The following NECAB1 variants were observed in gnomAD, a reference collection of about 807,000 sequenced individuals.
The protein encoded by NECAB1 is N-terminal EF-hand calcium-binding protein 1.
In NECAB1, 29 loss-of-function variants were observed where a neutral mutation model predicts 57.5. That is an observed-to-expected ratio of 0.50 (90% CI 0.38 to 0.69). The LOEUF is 0.69. Among genes scored for constraint, NECAB1 ranks in the 30% least tolerant of loss-of-function variants. The pLI, the probability that NECAB1 is intolerant of heterozygous loss-of-function variation, is 0.00. For synonymous variants in NECAB1, 142 were observed against 147.7 expected (o/e 0.96, Z 0.28); for missense variants, 372 against 413.8 (o/e 0.90, Z 0.88).
At chr8:90,939,040 A>G (rs1810607130) in intron 9 of NECAB1, among the ~76,000 whole-genome samples, 1 of 152,210 alleles carries the variant, frequency 6.6e-6, no homozygotes, top group African/African-American at 2.4e-5. Flanking sequence ...GGCAAACTAC[A>G]GCATACCTCT....
chr8:90,959,260 CTG>C lies in NECAB1; in HGVS notation c.*3750_*3751del, dbSNP rs754863942. On this transcript the variant is annotated 3_prime_UTR_variant, in exon 13 of 13. Coordinates refer to ENST00000417640, the MANE Select transcript of NECAB1 (RefSeq NM_022351.5). ...TAAATTGTATTCCAAACCTGTTCTT[CTG>C]TTTCTGTGGCACCTAGGTTTAAAAT... 1.5e-5 allele frequency: 4 copies of C among 259,706 alleles called. No individual in the cohort carries two copies. The South Asian group carries it at 4.1e-4, about 27-fold the overall frequency. The allele number at this position is 259,706 out of a possible 1,614,324, so 16.1% of individuals were successfully genotyped here. A position where few individuals can be genotyped will look rare whatever the true frequency, so the allele number is the denominator to read the frequency against.
Position 90,907,143 on chromosome 8 carries a change from TGTGTGTGTGA to T in NECAB1, c.358-10347_358-10338del, listed in dbSNP as rs1218799613. 2.3e-3 allele frequency among the ~76,000 whole-genome samples: 241 copies of T among 106,656 alleles called. 4 individuals are homozygous for T. Among genetic ancestry groups the T allele is most frequent in the African/African-American group, 7.5e-3 (168 of 22,292 alleles). The allele number at this position is 106,656 out of a possible 152,430, so 70.0% of individuals were successfully genotyped here. ...AATTTTGTGTGTGTGTGTGTGTGTG[TGTGTGTGTGA>T]GAGAGAGAGAGAGAGAGAGAGAGAG... On this transcript the variant is annotated intron_variant, in intron 5 of 12. Coordinates refer to ENST00000417640, the MANE Select transcript of NECAB1 (RefSeq NM_022351.5).
chr8:90,793,550 T>C (rs907034952), intron 1 of NECAB1, among the ~76,000 whole-genome samples: 2 of 152,192 alleles, frequency 1.3e-5, no homozygotes, highest in Non-Finnish European at 1.5e-5. Flanking sequence ...GTTTTGCTGT[T>C]CAGGGCCATA....
chr8:90,901,404 C>T (rs1809500293), intron 5 of NECAB1, among the ~76,000 whole-genome samples: 1 of 152,134 alleles, frequency 6.6e-6, no homozygotes, highest in Non-Finnish European at 1.5e-5. Flanking sequence ...GCCTTTGACC[C>T]TTGTAGCCTC....
At chr8:90,817,924 A>G (rs1812084516) in intron 2 of NECAB1, among the ~76,000 whole-genome samples, 1 of 151,844 alleles carries the variant, frequency 6.6e-6, no homozygotes, top group Non-Finnish European at 1.5e-5. Context: ...TTTACCAGTG[A>G]AACCATTTGG....
intron 4 of NECAB1, among the ~76,000 whole-genome samples, chr8:90,878,767 T>C (rs1161135131): frequency 2.0e-5 from 3 of 151,960 alleles, no homozygotes; most frequent in Non-Finnish European, 4.4e-5. Flanking sequence ...TTTTCTTATA[T>C]GCTTTATCAG....
chr8:90,831,534 A>C (rs970152565), intron 3 of NECAB1, among the ~76,000 whole-genome samples: 1 of 152,140 alleles, frequency 6.6e-6, no homozygotes. Flanking sequence ...ATCTGCAGCT[A>C]TCTATAATGG....
intron 5 of NECAB1, among the ~76,000 whole-genome samples, chr8:90,885,530 T>C (rs1334081034): frequency 6.6e-6 from 1 of 152,206 alleles, no homozygotes; most frequent in Non-Finnish European, 1.5e-5. Flanking sequence ...TTTCAACATG[T>C]TTTCATATAC....
chr8:90,928,955 T>A (rs891090285), intron 8 of NECAB1, among the ~76,000 whole-genome samples: 2 of 152,164 alleles, frequency 1.3e-5, no homozygotes, highest in African/African-American at 4.8e-5. Flanking sequence ...AGAGACAACT[T>A]TTGTCAATCA....
At chr8:90,849,617 T>C (rs1274768778) in intron 3 of NECAB1, among the ~76,000 whole-genome samples, 2 of 151,620 alleles carry the variant, frequency 1.3e-5, no homozygotes, top group African/African-American at 4.8e-5. Flanking sequence ...AATTGTTATT[T>C]TTTAGATATA....
intron 1 of NECAB1, among the ~76,000 whole-genome samples, chr8:90,795,253 A>G (rs972663609): frequency 6.6e-6 from 1 of 152,204 alleles, no homozygotes; most frequent in African/African-American, 2.4e-5. Flanking sequence ...CAAACCTTCA[A>G]CTCATCCCCA....
At chr8:90,934,803 TA>T (rs1405539514) in intron 9 of NECAB1, among the ~76,000 whole-genome samples, 1 of 152,096 alleles carries the variant, frequency 6.6e-6, no homozygotes, top group Non-Finnish European at 1.5e-5. Flanking sequence ...TTTCAAAGAA[TA>T]AATTGATGCA....
chr8:90,855,433 T>G (rs986776451), intron 3 of NECAB1, among the ~76,000 whole-genome samples: 2 of 152,166 alleles, frequency 1.3e-5, no homozygotes, highest in African/African-American at 4.8e-5. Flanking sequence ...GATAGAGATA[T>G]GCAAAAAGGC....
At chr8:90,908,772 T>C (rs1045773063) in intron 5 of NECAB1, among the ~76,000 whole-genome samples, 1 of 152,146 alleles carries the variant, frequency 6.6e-6, no homozygotes, top group Non-Finnish European at 1.5e-5. Flanking sequence ...TCTTTCCACA[T>C]GCTCTGTCCC....
chr8:90,907,151 T>TGAGAGAGA (rs71266152), intron 5 of NECAB1, among the ~76,000 whole-genome samples: 89 of 102,078 alleles, frequency 8.7e-4, no homozygotes, highest in South Asian at 1.3e-3. Context: ...TGTGTGTGTG[T>TGAGAGAGA]GAGAGAGAGA....
intron 3 of NECAB1, among the ~76,000 whole-genome samples, chr8:90,846,578 G>T (rs1405968961): frequency 1.3e-5 from 2 of 152,138 alleles, no homozygotes; most frequent in African/African-American, 4.8e-5. Context: ...TGTAGCAAAA[G>T]ATTTAAGATA....
At position 90,907,122 on chromosome 8, in the gene NECAB1, T is replaced by TTGTGTGTG. The variant is rs111590584; in HGVS notation, c.358-10347_358-10340dup. On this transcript the variant is annotated intron_variant, in intron 5 of 12. Coordinates refer to ENST00000417640, the MANE Select transcript of NECAB1 (RefSeq NM_022351.5). ...TTTACTTCTTATAATCCACCCAATT[T>TTGTGTGTG]TGTGTGTGTGTGTGTGTGTGTGTGT... 1.7e-4 allele frequency among the ~76,000 whole-genome samples: 22 copies of TTGTGTGTG among 129,798 alleles called. No individual in the cohort carries two copies. The Admixed American group carries it at 1.8e-3, about 11-fold the overall frequency. 85.2% of individuals were successfully genotyped at this position (129,798 alleles called of 152,430 possible).
At chr8:90,830,987 T>C (rs1272995116) in intron 3 of NECAB1, among the ~76,000 whole-genome samples, 1 of 152,068 alleles carries the variant, frequency 6.6e-6, no homozygotes, top group Non-Finnish European at 1.5e-5. Flanking sequence ...GGCTCACATG[T>C]CTTATAGGAC....
At chr8:90,850,956 AT>A (rs1210954259) in intron 3 of NECAB1, among the ~76,000 whole-genome samples, 2 of 152,166 alleles carry the variant, frequency 1.3e-5, no homozygotes, top group Non-Finnish European at 2.9e-5. Flanking sequence ...CAACCAAGTG[AT>A]TAGAGGATCG....
Sources: allele counts gnomAD v4.1 joint callset (sites outside exome capture counted in the v4.1 genomes callset), GRCh38; gene constraint gnomAD v4.1.1; transcripts MANE v1.5; gene names NCBI Gene and HGNC (gene_info 2026-07-23, HGNC 2026-07-21).